MTHFD1: variants seen among roughly 807,000 people sequenced by gnomAD.
MTHFD1 encodes C-1-tetrahydrofolate synthase, cytoplasmic.
In MTHFD1, 44 loss-of-function variants were observed where a neutral mutation model predicts 110.3. The observed-to-expected ratio is 0.40, with a 90% CI of 0.31 to 0.51. The LOEUF (loss-of-function observed/expected upper bound fraction) is 0.51, where lower values mean the gene tolerates loss of function less well. MTHFD1 is among the 20% of genes least tolerant of loss of function. The pLI is 0.60. For missense variants in MTHFD1, 909 were observed against 1,173.1 expected, an observed-to-expected ratio of 0.77 and a Z score of 3.29; for synonymous variants, 402 against 428.8, an observed-to-expected ratio of 0.94 and a Z score of 0.77.
In MTHFD1 at chr14:64,454,962, G is replaced by C. The variant is rs745868218; in HGVS notation, c.2718+87G>C. On this transcript the variant is annotated intron_variant, in intron 26 of 27. Coordinates refer to ENST00000652337, the MANE Select transcript of MTHFD1 (RefSeq NM_005956.4). ...CGAAACCATCAAGCAAATGCCAAGT[G>C]AGCAGAGTTCACTGCCCAGAAGAAA... 24 of 1,396,578 alleles carry C rather than the reference G, an allele frequency of 1.7e-5. No homozygotes were observed. The East Asian group carries it at 4.6e-4, about 26-fold the overall frequency. The allele number at this position is 1,396,578 out of a possible 1,614,324, so 86.5% of individuals were successfully genotyped here.
intron 1 of MTHFD1, chr14:64,388,801 A>G (rs530870926): frequency 4.0e-6 from 2 of 503,822 alleles, no homozygotes; most frequent in Non-Finnish European, 7.2e-6. Context: ...CAGAAATCCA[A>G]TCTACTTAAT....
At chr14:64,416,912 T>C (rs1232004237) in intron 6 of MTHFD1, among the ~76,000 whole-genome samples, 1 of 152,206 alleles carries the variant, frequency 6.6e-6, no homozygotes, top group Non-Finnish European at 1.5e-5. Context: ...TTTTAAAACT[T>C]TGAGGTCTTT....
At chr14:64,457,378 C>T (rs908297928) in intron 26 of MTHFD1, among the ~76,000 whole-genome samples, 1 of 152,066 alleles carries the variant, frequency 6.6e-6, no homozygotes, top group Non-Finnish European at 1.5e-5. Context: ...CCTGCTACTG[C>T]TTGTGACCAC....
chr14:64,453,740 T>G lies in MTHFD1; in HGVS notation c.2458-14T>G, dbSNP rs760706663. 1 of 1,515,236 alleles carries G rather than the reference T, an allele frequency of 6.6e-7. No homozygotes were observed. Among genetic ancestry groups the G allele is most frequent in the South Asian group, 1.1e-5 (1 of 88,632 alleles). The allele number at this position is 1,515,236 out of a possible 1,614,324, so 93.9% of individuals were successfully genotyped here. A position where few individuals can be genotyped will look rare whatever the true frequency, so the allele number is the denominator to read the frequency against. ...GTCCAGTCATGGTGTCCCCATCTCT[T>G]TCTTGTGCATTAGCTCCCAGTTGAG... On this transcript the variant is annotated splice_polypyrimidine_tract_variant and intron_variant, in intron 24 of 27. Coordinates refer to ENST00000652337, the MANE Select transcript of MTHFD1 (RefSeq NM_005956.4).
intron 8 of MTHFD1, among the ~76,000 whole-genome samples, chr14:64,421,717 G>A (rs879292877): frequency 2.8e-4 from 42 of 151,794 alleles, no homozygotes; most frequent in African/African-American, 8.0e-4. Flanking sequence ...TCCGCCTTGC[G>A]GGTTCATGCC....
intron 1 of MTHFD1, among the ~76,000 whole-genome samples, chr14:64,389,467 G>C (rs1037603872): frequency 6.6e-6 from 1 of 152,128 alleles, no homozygotes; most frequent in African/African-American, 2.4e-5. Flanking sequence ...CAGCACTTTG[G>C]GAGGCCGAGG....
intron 2 of MTHFD1, among the ~76,000 whole-genome samples, chr14:64,406,409 CAT>C (rs1310917654): frequency 6.6e-6 from 1 of 151,610 alleles, no homozygotes; most frequent in Non-Finnish European, 1.5e-5. Flanking sequence ...TAAGCCATCA[CAT>C]GAGGCCAGGT....
chr14:64,421,655 G>A (rs372698327), intron 8 of MTHFD1, among the ~76,000 whole-genome samples: 63 of 146,168 alleles, frequency 4.3e-4, no homozygotes, highest in Middle Eastern at 3.8e-3. Flanking sequence ...ACGGAGTCTC[G>A]CTCTGTTGCC....
Position 64,430,860 on chromosome 14 carries a change from T to C in MTHFD1, c.1311+630T>C, listed in dbSNP as rs118188174. Among the ~76,000 whole-genome samples the C allele has an allele frequency of 6.9e-4, 105 of 152,244 alleles. 2 individuals are homozygous for C. The East Asian group carries it at 0.016, about 23-fold the overall frequency. On this transcript the variant is annotated intron_variant, in intron 13 of 27. Transcript: ENST00000652337. Reference sequence around the variant, plus strand: ...TTATGTAACTGCAGAAATTGGAACATTACATAGACATAGAGTCGGTGCTGC... The same window carrying C: ...TTATGTAACTGCAGAAATTGGAACACTACATAGACATAGAGTCGGTGCTGC...
chr14:64,407,051 A>C (rs1470770027), intron 2 of MTHFD1, among the ~76,000 whole-genome samples: 1 of 152,138 alleles, frequency 6.6e-6, no homozygotes, highest in African/African-American at 2.4e-5. Context: ...AAGAACATTC[A>C]TGATCTGGCC....
chr14:64,441,273 T>G, intron 18 of MTHFD1, 112 bp from the exon 19 acceptor site: 1 of 944,828 alleles, frequency 1.1e-6, no homozygotes, highest in Non-Finnish European at 1.8e-6. Flanking sequence ...GGTGAAAGTA[T>G]CAATTGGTCC....
intron 1 of MTHFD1, among the ~76,000 whole-genome samples, chr14:64,397,925 T>C (rs576764363): frequency 6.6e-6 from 1 of 152,252 alleles, no homozygotes. Flanking sequence ...TCAGCCATGA[T>C]GTTAAACAGA....
intron 22 of MTHFD1, among the ~76,000 whole-genome samples, chr14:64,446,743 C>T (rs985750664): frequency 6.6e-6 from 1 of 152,120 alleles, no homozygotes; most frequent in East Asian, 1.9e-4. Context: ...GGGGTTTCAC[C>T]GTGTTAGCCA....
intron 12 of MTHFD1, among the ~76,000 whole-genome samples, chr14:64,428,555 CTTTT>C (rs34456417): frequency 1.5e-5 from 2 of 133,904 alleles, no homozygotes; most frequent in Non-Finnish European, 3.2e-5. Context: ...ACCCTTCCAC[CTTTT>C]TTTTTTTTTT....
At chr14:64,414,623 G>A (rs2078011272) in intron 4 of MTHFD1, among the ~76,000 whole-genome samples, 1 of 151,306 alleles carries the variant, frequency 6.6e-6, no homozygotes, top group Non-Finnish European at 1.5e-5. Flanking sequence ...AAAGTGCTGG[G>A]ATGACAGGTG....
chr14:64,419,303 C>G (rs1174497116), intron 7 of MTHFD1: 3 of 207,274 alleles, frequency 1.4e-5, no homozygotes, highest in Admixed American at 5.3e-5. Flanking sequence ...CAGTCGTGGG[C>G]AGTAGTCTGC....
intron 22 of MTHFD1, among the ~76,000 whole-genome samples, chr14:64,446,392 T>C (rs1418588098): frequency 6.6e-6 from 1 of 152,200 alleles, no homozygotes; most frequent in African/African-American, 2.4e-5. Context: ...TGAGTGTATA[T>C]GTCATAATTC....
At chr14:64,446,951 C>G (rs1256144) in intron 22 of MTHFD1, among the ~76,000 whole-genome samples, 1 of 151,754 alleles carries the variant, frequency 6.6e-6, no homozygotes, top group African/African-American at 2.4e-5. Context: ...GCAGTCTCCC[C>G]GCTTCAACCT....
At chr14:64,409,392 T>C (rs554278299) in intron 2 of MTHFD1, among the ~76,000 whole-genome samples, 2 of 152,344 alleles carry the variant, frequency 1.3e-5, no homozygotes, top group African/African-American at 4.8e-5. Context: ...AACAGAGAAG[T>C]TGTGGCTTCC....
Sources: allele counts gnomAD v4.1 joint callset (sites outside exome capture counted in the v4.1 genomes callset), GRCh38; gene constraint gnomAD v4.1.1; transcripts MANE v1.5; gene names NCBI Gene and HGNC (gene_info 2026-07-23, HGNC 2026-07-21).